The following C1QTNF3 variants were observed in gnomAD, a reference collection of about 807,000 sequenced individuals.
C1QTNF3 encodes complement C1q tumor necrosis factor-related protein 3.
Under a neutral mutation model 32.6 loss-of-function variants are expected in C1QTNF3, and 26 were observed. The ratio of observed to expected loss-of-function variants is 0.80; its 90% CI spans 0.58 to 1.11. The LOEUF is 1.11. Ranked by LOEUF, C1QTNF3 falls within the 50% of genes least tolerant of loss-of-function variation. The pLI, the probability that C1QTNF3 is intolerant of heterozygous loss-of-function variation, is 0.00. For missense variants in C1QTNF3, 362 were observed against 398.2 expected (o/e 0.91, Z 0.77); for synonymous variants, 155 against 146.0 (o/e 1.06, Z -0.44).
At chr5:34,028,627 C>A in intron 4 of C1QTNF3, 127 bp downstream of exon 4, 1 of 769,242 alleles carries the variant, frequency 1.3e-6, no homozygotes, top group South Asian at 3.5e-5. Flanking sequence ...TCTTTATTTC[C>A]TACTCCCTTC....
the C1QTNF3 span, among the ~76,000 whole-genome samples, chr5:34,232,705 C>A: frequency 6.6e-6 from 1 of 151,714 alleles, no homozygotes; most frequent in East Asian, 1.9e-4. Context: ...TTCATGCTTC[C>A]TGTAAAGCCT....
the C1QTNF3 span, chr5:34,166,304 G>C: frequency 1.3e-5 from 2 of 152,004 alleles, no homozygotes; most frequent in Non-Finnish European, 2.9e-5. Context: ...CATTAAGCTA[G>C]GACGTGACTT....
chr5:34,026,615 G>C lies in C1QTNF3; in HGVS notation c.700+2139C>G, dbSNP rs114370908. On this transcript the variant is annotated intron_variant, in intron 4 of 5. Transcript: ENST00000382065. ...TGTGACCAAGAAAAACGCACATTAG[G>C]GCCATACTTAAAAGAATCCGTTAGT... Among the ~76,000 whole-genome samples, 664 of 152,158 alleles carry C rather than the reference G, an allele frequency of 4.4e-3. 3 individuals are homozygous for C. Among genetic ancestry groups the C allele is most frequent in the African/African-American group, 0.016 (647 of 41,512 alleles).
the C1QTNF3 span, among the ~76,000 whole-genome samples, chr5:34,177,510 G>A: frequency 2.7e-4 from 32 of 119,344 alleles, no homozygotes; most frequent in South Asian, 8.1e-4. Flanking sequence ...TTTTTGAGAC[G>A]GAGTCTTGCT....
the C1QTNF3 span, among the ~76,000 whole-genome samples, chr5:34,217,254 T>C: frequency 2.6e-5 from 4 of 152,160 alleles, no homozygotes; most frequent in Non-Finnish European, 5.9e-5. Flanking sequence ...ATTAGGTTGG[T>C]ACAAAAGGCA....
At chr5:34,238,756 G>A in the C1QTNF3 span, among the ~76,000 whole-genome samples, 1 of 152,048 alleles carries the variant, frequency 6.6e-6, no homozygotes, top group Non-Finnish European at 1.5e-5. Flanking sequence ...CCTCGCTAGA[G>A]AGAGTGACAT....
chr5:34,078,416 C>A, the C1QTNF3 span, among the ~76,000 whole-genome samples: 1 of 151,862 alleles, frequency 6.6e-6, no homozygotes, highest in Non-Finnish European at 1.5e-5. The surrounding 1 kb of genome is among the most constrained non-coding windows in gnomAD (Gnocchi z 4.0). Context: ...AGGAAACTTA[C>A]AATCATGGCG....
the C1QTNF3 span, among the ~76,000 whole-genome samples, chr5:34,063,386 C>T: frequency 3.3e-5 from 5 of 152,014 alleles, no homozygotes; most frequent in Admixed American, 3.3e-4. Context: ...GTCTCTTTCT[C>T]TCTCCTCGAC....
chr5:34,209,178 T>C, the C1QTNF3 span, among the ~76,000 whole-genome samples: 3 of 152,220 alleles, frequency 2.0e-5, no homozygotes, highest in Admixed American at 2.0e-4. Context: ...GGTAATGTAA[T>C]CCAGCATTTT....
the C1QTNF3 span, among the ~76,000 whole-genome samples, chr5:34,202,711 T>A: frequency 6.6e-6 from 1 of 152,228 alleles, no homozygotes; most frequent in Non-Finnish European, 1.5e-5. Flanking sequence ...ATTATTTTGT[T>A]GCATAGCACA....
the C1QTNF3 span, among the ~76,000 whole-genome samples, chr5:34,160,068 A>G: frequency 6.6e-6 from 1 of 152,250 alleles, no homozygotes; most frequent in Non-Finnish European, 1.5e-5. Flanking sequence ...TATAGGGTAT[A>G]GAGTTCATTA....
At chr5:34,082,839 GT>G in the C1QTNF3 span, among the ~76,000 whole-genome samples, 1 of 151,690 alleles carries the variant, frequency 6.6e-6, no homozygotes, top group Non-Finnish European at 1.5e-5. Flanking sequence ...TCAGAATGTT[GT>G]TTCATGAAAT....
At chr5:34,210,550 T>C in the C1QTNF3 span, among the ~76,000 whole-genome samples, 4 of 151,884 alleles carry the variant, frequency 2.6e-5, no homozygotes, top group Non-Finnish European at 5.9e-5. Flanking sequence ...TAATCTTTTA[T>C]TGGAGTTAAA....
chr5:34,031,347 G>A (rs1754608933), intron 3 of C1QTNF3, among the ~76,000 whole-genome samples: 1 of 152,154 alleles, frequency 6.6e-6, no homozygotes, highest in Non-Finnish European at 1.5e-5. Context: ...TGCCCAGAAT[G>A]TTCTCTATCA....
At chr5:34,139,043 T>A in the C1QTNF3 span, among the ~76,000 whole-genome samples, 4 of 152,056 alleles carry the variant, frequency 2.6e-5, no homozygotes, top group African/African-American at 9.7e-5. Flanking sequence ...GAAGGAGGAT[T>A]CCCAAATGAT....
chr5:34,032,482 A>G (rs1434238930), intron 3 of C1QTNF3, among the ~76,000 whole-genome samples: 2 of 152,234 alleles, frequency 1.3e-5, no homozygotes, highest in Non-Finnish European at 2.9e-5. Context: ...GATTCTGACA[A>G]GAAAAGCTCA....
chr5:34,087,994 G>A, the C1QTNF3 span, among the ~76,000 whole-genome samples: 3 of 152,076 alleles, frequency 2.0e-5, no homozygotes, highest in South Asian at 4.1e-4. Context: ...TTGCCCATCC[G>A]GCCTTATCTC....
chr5:34,035,586 C>T (rs1754716166), intron 2 of C1QTNF3, 61 bp downstream of exon 2: 4 of 1,249,720 alleles, frequency 3.2e-6, no homozygotes, highest in African/African-American at 1.5e-5. Context: ...AAGGTTTGCC[C>T]TTTGCTCCTA....
the C1QTNF3 span, among the ~76,000 whole-genome samples, chr5:34,232,698 A>C: frequency 1.3e-5 from 2 of 151,196 alleles, no homozygotes; most frequent in African/African-American, 4.9e-5. Flanking sequence ...CCTCCCATTC[A>C]TGCTTCCTGT....
Sources: allele counts gnomAD v4.1 joint callset (sites outside exome capture counted in the v4.1 genomes callset), GRCh38; gene constraint gnomAD v4.1.1; non-coding constraint Gnocchi (gnomAD v3.1); transcripts MANE v1.5; gene names NCBI Gene and HGNC (gene_info 2026-07-23, HGNC 2026-07-21).